Variants in CARS2 observed in about 807,000 individuals in gnomAD.
CARS2 encodes cysteinyl-tRNA synthetase 2, mitochondrial.
CARS2 carries 52 observed loss-of-function variants against 68.8 expected under a neutral mutation model. That is an observed-to-expected ratio of 0.76 (90% CI 0.61 to 0.95). CARS2 has a LOEUF of 0.95. Among genes scored for constraint, CARS2 ranks in the 40% least tolerant of loss-of-function variants. The pLI is 0.00. For synonymous variants in CARS2, 314 were observed against 303.6 expected (o/e 1.03, Z -0.36); for missense variants, 780 against 754.2 (o/e 1.03, Z -0.40).
At chr13:110,703,579 T>A (rs1253568748) in intron 2 of CARS2, among the ~76,000 whole-genome samples, 2 of 152,284 alleles carry the variant, frequency 1.3e-5, no homozygotes, top group Non-Finnish European at 2.9e-5. Context: ...ACTCTCCTAG[T>A]TGGAAATGAG....
At chr13:110,707,241 A>T (rs1234376065), upstream of CARS2, 1 of 152,216 alleles carries the variant, frequency 6.6e-6, no homozygotes, top group Non-Finnish European at 1.5e-5. Flanking sequence ...CACAGTGTGC[A>T]ACCCAACACA....
rs113051937 is a variant in CARS2 at position 110,678,855 on chromosome 13, C to T, written c.656-1752G>A. Among the ~76,000 whole-genome samples the T allele has an allele frequency of 5.6e-3, 849 of 151,962 alleles. 3 individuals are homozygous for T. The highest frequency in any genetic ancestry group is 8.0e-3 in the Non-Finnish European group (541 of 67,952). ...GACGGTGGGAGGGGGGAAGAGTGGA[C>T]GGGGCTACAGAAGGCAGCGCAGGCG... On this transcript the variant is annotated intron_variant, in intron 6 of 14. Transcript: ENST00000257347.
At chr13:110,703,755 G>C (rs79762140) in intron 2 of CARS2, among the ~76,000 whole-genome samples, 2 of 152,174 alleles carry the variant, frequency 1.3e-5, no homozygotes, top group Non-Finnish European at 2.9e-5. Context: ...ATAACGCCCC[G>C]TTTCCCAGTG....
chr13:110,641,869 G>A (rs990735934), intron 14 of CARS2, among the ~76,000 whole-genome samples: 15 of 152,176 alleles, frequency 9.9e-5, no homozygotes, highest in African/African-American at 3.4e-4. Context: ...CTCCCTCACG[G>A]CCCTCCCACC....
intron 8 of CARS2, chr13:110,664,966 T>C (rs964535143): frequency 2.8e-5 from 27 of 974,674 alleles, no homozygotes; most frequent in Non-Finnish European, 3.3e-5. Context: ...CGCTTTCAGT[T>C]TGGCTATAGC....
chr13:110,658,233 G>C (rs1277297116), intron 9 of CARS2, among the ~76,000 whole-genome samples: 1 of 152,200 alleles, frequency 6.6e-6, no homozygotes, highest in South Asian at 2.1e-4. Context: ...GAGCACAGGT[G>C]AATCTTGAGA....
At chr13:110,671,112 A>T (rs546948324) in intron 7 of CARS2, among the ~76,000 whole-genome samples, 111 of 152,356 alleles carry the variant, frequency 7.3e-4, no homozygotes, top group Non-Finnish European at 1.3e-3. Context: ...AGTGACAGGG[A>T]GAATGGAACC....
chr13:110,642,882 C>G, intron 13 of CARS2: 1 of 498,468 alleles, frequency 2.0e-6, no homozygotes, highest in South Asian at 1.8e-5. Flanking sequence ...GAGGATGAGG[C>G]TGGGGGGCAG....
intron 6 of CARS2, among the ~76,000 whole-genome samples, chr13:110,681,904 C>T (rs2063167374): frequency 6.6e-6 from 1 of 152,140 alleles, no homozygotes; most frequent in African/African-American, 2.4e-5. Context: ...CCAGTGATTT[C>T]CAGGGATGGG....
In CARS2 at chr13:110,655,823, A is replaced by G. The variant is rs184795813; in HGVS notation, c.988-4723T>C. ...TACGACACTGCCTCATGAATGAGAC[A>G]GAGGAGAAAGGTTTATGTGTATTGG... On this transcript the variant is annotated intron_variant, in intron 9 of 14. Coordinates refer to ENST00000257347, the MANE Select transcript of CARS2 (RefSeq NM_024537.4). Among the ~76,000 whole-genome samples the G allele has an allele frequency of 1.6e-4, 24 of 152,364 alleles. No individual in the cohort carries two copies. In the East Asian group the frequency reaches 4.4e-3, roughly 28 times the overall value.
intron 5 of CARS2, among the ~76,000 whole-genome samples, chr13:110,685,791 G>A (rs573739423): frequency 5.9e-5 from 9 of 152,138 alleles, no homozygotes; most frequent in South Asian, 4.1e-4. Context: ...GATTTAGTTC[G>A]GATTTATGGC....
Position 110,645,824 on chromosome 13 carries a change from C to T in CARS2, c.1317+143G>A, listed in dbSNP as rs188849671. On this transcript the variant is annotated intron_variant, in intron 12 of 14. Coordinates refer to ENST00000257347, the MANE Select transcript of CARS2 (RefSeq NM_024537.4). ...CCATCCCGTGTGTCAGCGGCAGACT[C>T]GGGCTCCATGAGTTCCTCCACAGAA... The T allele has an allele frequency of 3.3e-4, 365 of 1,121,816 alleles. 2 individuals are homozygous for T. In the African/African-American group the frequency reaches 5.2e-3, roughly 16 times the overall value. The allele number at this position is 1,121,816 out of a possible 1,614,324, so 69.5% of individuals were successfully genotyped here.
At chr13:110,683,023 C>A in intron 6 of CARS2, 28 bp downstream of exon 6, 1 of 1,559,060 alleles carries the variant, frequency 6.4e-7, no homozygotes, top group Non-Finnish European at 8.7e-7. Flanking sequence ...AGGTCAGGGA[C>A]CCACAGGGCT....
chr13:110,712,530 A>AAGGG (rs1555306511), intron 1 of CARS2: 14 of 246,684 alleles, frequency 5.7e-5, no homozygotes, highest in Admixed American at 1.2e-4. Context: ...TTTGGCCGGA[A>AAGGG]GGGGGGGGGC....
chr13:110,701,144 C>A (rs1326887941), intron 3 of CARS2, among the ~76,000 whole-genome samples: 1 of 152,058 alleles, frequency 6.6e-6, no homozygotes, highest in East Asian at 1.9e-4. Flanking sequence ...CTCATTGCAA[C>A]CTTCGCCCCC....
chr13:110,659,979 C>A (rs1334400905), intron 9 of CARS2, among the ~76,000 whole-genome samples: 1 of 152,224 alleles, frequency 6.6e-6, no homozygotes, highest in African/African-American at 2.4e-5. Context: ...GAATGTCTTT[C>A]AAAATTGGAG....
Position 110,706,035 on chromosome 13 carries a change from C to A in CARS2, c.59G>T (p.Gly20Val). Reference protein sequence around the residue: ...LGPPLLQAALGLGRAGWHWPA... With the variant: ...LGPPLLQAALVLGRAGWHWPA... ...CCAGTGCCACCCAGCCCGCCCAAGG[C>A]CCAGCGCGGCCTGGAGCAGCGGGGG... The change falls in exon 1 of 15, where the codon GGC (glycine) becomes GTC (valine). Residue 20 changes from glycine to valine, a missense_variant. Physicochemically the swap from Gly to Val is moderately radical, Grantham distance 109. Coordinates refer to ENST00000257347, the MANE Select transcript of CARS2 (RefSeq NM_024537.4). The A allele has an allele frequency of 7.2e-7, 1 of 1,383,210 alleles. No individual in the cohort carries two copies. The highest frequency in any genetic ancestry group is 1.7e-5 in the South Asian group (1 of 60,190). The allele number at this position is 1,383,210 out of a possible 1,614,324, so 85.7% of individuals were successfully genotyped here. A position where few individuals can be genotyped will look rare whatever the true frequency, so the allele number is the denominator to read the frequency against.
chr13:110,691,875 G>T (rs2063468859), intron 3 of CARS2, among the ~76,000 whole-genome samples: 1 of 151,382 alleles, frequency 6.6e-6, no homozygotes, highest in South Asian at 2.1e-4. Context: ...CAGACACAGG[G>T]GTGACGGATG....
intron 7 of CARS2, among the ~76,000 whole-genome samples, 182 bp from the exon 8 acceptor site, chr13:110,667,655 C>T (rs931604077): frequency 6.6e-5 from 10 of 152,182 alleles, no homozygotes; most frequent in South Asian, 4.1e-4. Flanking sequence ...ATCACAAGCC[C>T]GTAATTCATG....
Sources: allele counts gnomAD v4.1 joint callset (sites outside exome capture counted in the v4.1 genomes callset), GRCh38; gene constraint gnomAD v4.1.1; transcripts MANE v1.5; gene names NCBI Gene and HGNC (gene_info 2026-07-23, HGNC 2026-07-21).